The following FRMD6 variants were observed in gnomAD, a reference collection of about 807,000 sequenced individuals.
FRMD6 encodes FERM domain-containing protein 6.
A neutral mutation model predicts 73.2 loss-of-function variants in FRMD6; 37 were observed. The ratio of observed to expected loss-of-function variants is 0.51; its 90% CI spans 0.39 to 0.66. The LOEUF is 0.66. Ranked by LOEUF, FRMD6 falls within the 30% of genes least tolerant of loss-of-function variation. The probability of loss-of-function intolerance (pLI) is 0.00; values close to 1 mark genes in which losing one functional copy is unlikely to be tolerated. For missense variants in FRMD6, 714 were observed against 780.5 expected (o/e 0.91, Z 1.02); for synonymous variants, 273 against 282.2 (o/e 0.97, Z 0.33).
At chr14:51,553,018 C>T (rs1224240181) in intron 1 of FRMD6, among the ~76,000 whole-genome samples, 2 of 152,146 alleles carry the variant, frequency 1.3e-5, no homozygotes, top group Non-Finnish European at 2.9e-5. Context: ...GGGAGACTGC[C>T]AATACCTGTG....
intron 2 of FRMD6, among the ~76,000 whole-genome samples, chr14:51,594,166 C>G (rs1048244087): frequency 8.5e-5 from 13 of 152,216 alleles, no homozygotes; most frequent in Admixed American, 5.2e-4. Context: ...GCTCTGTCAC[C>G]CTGACTGGAG....
intron 1 of FRMD6, among the ~76,000 whole-genome samples, chr14:51,554,104 C>T (rs779227107): frequency 1.2e-4 from 18 of 151,814 alleles, no homozygotes; most frequent in South Asian, 6.2e-4. Flanking sequence ...AAAACAAAGG[C>T]CAAAACTTAC....
chr14:51,656,464 A>G (rs1594670269), intron 1 of FRMD6, among the ~76,000 whole-genome samples: 1 of 147,998 alleles, frequency 6.8e-6, no homozygotes, highest in African/African-American at 2.5e-5. Flanking sequence ...CCCAGGCTGG[A>G]GTGCAATGGC....
chr14:51,667,003 T>G (rs1436277238), intron 1 of FRMD6, among the ~76,000 whole-genome samples: 2 of 152,090 alleles, frequency 1.3e-5, no homozygotes, highest in Non-Finnish European at 2.9e-5. Context: ...GGTGTGGTGA[T>G]GCGTGCCTGT....
At chr14:51,481,112 G>A in the FRMD6 span, among the ~76,000 whole-genome samples, 1 of 152,176 alleles carries the variant, frequency 6.6e-6, no homozygotes, top group African/African-American at 2.4e-5. Flanking sequence ...TTCATGCAAA[G>A]ATCATTTCAT....
At chr14:51,570,043 C>T (rs568604373) in intron 1 of FRMD6, among the ~76,000 whole-genome samples, 172 of 152,156 alleles carry the variant, frequency 1.1e-3, no homozygotes, top group Middle Eastern at 3.4e-3. Context: ...TCTCGATCTC[C>T]TGACCTCGTG....
the FRMD6 span, among the ~76,000 whole-genome samples, chr14:51,414,488 C>G: frequency 3.3e-5 from 5 of 152,030 alleles, no homozygotes; most frequent in Non-Finnish European, 5.9e-5. Flanking sequence ...ATTTCTGAGG[C>G]CTCTGTTCTT....
chr14:51,469,568 G>A, the FRMD6 span, among the ~76,000 whole-genome samples: 2 of 140,694 alleles, frequency 1.4e-5, no homozygotes, highest in South Asian at 4.7e-4. Flanking sequence ...AGCCAAGATA[G>A]CGCCACTGCA....
chr14:51,685,658 T>C (rs1466360202), intron 1 of FRMD6, among the ~76,000 whole-genome samples: 2 of 152,250 alleles, frequency 1.3e-5, no homozygotes, highest in Non-Finnish European at 2.9e-5. Flanking sequence ...GTGTACTTAA[T>C]ACTGTTATCC....
At chr14:51,662,769 T>C (rs1451270871) in intron 1 of FRMD6, among the ~76,000 whole-genome samples, 2 of 152,052 alleles carry the variant, frequency 1.3e-5, no homozygotes, top group Non-Finnish European at 2.9e-5. Context: ...CAAAAGCAAT[T>C]GCAACAAAGG....
rs1001784162 is a variant in FRMD6 at position 51,595,320 on chromosome 14, A to G, written c.-147+24910A>G. On this transcript the variant is annotated intron_variant, in intron 2 of 14. Coordinates refer to the FRMD6 transcript ENST00000356218. ...AATCTGTACCCTGGAAATATGATGT[A>G]TTTTGTTATTAGATCCCATTTTCTC... is the stretch of plus-strand genomic sequence containing the variant. Among the ~76,000 whole-genome samples, 3 of 152,310 alleles carry G rather than the reference A, an allele frequency of 2.0e-5. No individual in the cohort carries two copies. In the East Asian group the frequency reaches 5.8e-4, roughly 29 times the overall value.
the FRMD6 span, among the ~76,000 whole-genome samples, chr14:51,432,720 A>T: frequency 1.3e-5 from 2 of 152,172 alleles, no homozygotes; most frequent in African/African-American, 4.8e-5. Flanking sequence ...ACACCAACCA[A>T]ACTGCAGTAC....
chr14:51,529,780 C>T (rs1269839101), intron 1 of FRMD6, among the ~76,000 whole-genome samples: 2 of 152,220 alleles, frequency 1.3e-5, no homozygotes, highest in Non-Finnish European at 1.5e-5. Context: ...GCCATTTTTA[C>T]CCTTTCTTCC....
intron 2 of FRMD6, among the ~76,000 whole-genome samples, chr14:51,607,762 T>C (rs572098515): frequency 1.3e-5 from 2 of 152,362 alleles, no homozygotes; most frequent in East Asian, 3.9e-4. Flanking sequence ...TTTTATTAAG[T>C]GACTTTAAAA....
rs560228899 is a variant in FRMD6, at chr14:51,510,108, T to C, written c.-210+20688T>C. On this transcript the variant is annotated intron_variant, in intron 1 of 14. Transcript: ENST00000356218. ...TTGTATGTTGTTTATTTTTCATCCA[T>C]CTTGTTGCCATGGAGGGAGGCAGTT... is the stretch of plus-strand genomic sequence containing the variant. 5.9e-5 allele frequency among the ~76,000 whole-genome samples: 9 copies of C among 152,350 alleles called. No individual in the cohort carries two copies. The East Asian group carries it at 1.7e-3, about 29-fold the overall frequency.
At chr14:51,510,512 T>G (rs559705059) in intron 1 of FRMD6, among the ~76,000 whole-genome samples, 6 of 152,340 alleles carry the variant, frequency 3.9e-5, no homozygotes, top group African/African-American at 1.4e-4. Flanking sequence ...ATTTTATTAC[T>G]ACAGATTTTT....
intron 1 of FRMD6, among the ~76,000 whole-genome samples, chr14:51,685,153 A>G (rs1364624391): frequency 6.6e-6 from 1 of 152,208 alleles, no homozygotes; most frequent in Non-Finnish European, 1.5e-5. Flanking sequence ...AGCTATCATT[A>G]GCACTATTAT....
At chr14:51,726,419 C>T (rs976104788) in intron 13 of FRMD6, among the ~76,000 whole-genome samples, 1 of 152,040 alleles carries the variant, frequency 6.6e-6, no homozygotes, top group Non-Finnish European at 1.5e-5. Flanking sequence ...GCACTTCCTC[C>T]CTCCTCCTGC....
At chr14:51,427,968 C>CA in the FRMD6 span, among the ~76,000 whole-genome samples, 2 of 152,116 alleles carry the variant, frequency 1.3e-5, no homozygotes, top group East Asian at 3.8e-4. Context: ...TACATTTTTA[C>CA]AAAGAGGTAC....
Sources: gnomAD v4.1 joint callset for allele counts (sites outside exome capture counted in the v4.1 genomes callset) on GRCh38, gnomAD v4.1.1 for gene constraint, MANE v1.5 for transcripts, NCBI Gene and HGNC (gene_info 2026-07-23, HGNC 2026-07-21) for gene names.